GPHN: variants seen among roughly 807,000 people sequenced by gnomAD.
GPHN encodes the protein gephyrin.
GPHN carries 17 observed loss-of-function variants against 95.5 expected under a neutral mutation model. That is an observed-to-expected ratio of 0.18 (90% CI 0.12 to 0.27). The LOEUF (loss-of-function observed/expected upper bound fraction) is 0.27. Among genes scored for constraint, GPHN ranks in the 10% least tolerant of loss-of-function variants. GPHN has a pLI of 1.00. For missense variants in GPHN, 660 were observed against 978.1 expected (o/e 0.67, Z 4.34); for synonymous variants, 320 against 322.5 (o/e 0.99, Z 0.08).
At chr14:66,825,356 T>A (rs2061351460) in intron 4 of GPHN, among the ~76,000 whole-genome samples, 1 of 152,180 alleles carries the variant, frequency 6.6e-6, no homozygotes, top group African/African-American at 2.4e-5. Context: ...TTCAAATCAG[T>A]ACACTATTGT....
chr14:67,381,556 G>A, the GPHN span: 1 of 1,514,272 alleles, frequency 6.6e-7, no homozygotes, highest in East Asian at 2.3e-5. Context: ...AATATTTTTT[G>A]CATTTTTTAT....
the GPHN span, chr14:67,686,278 ATACT>A: frequency 9.2e-5 from 14 of 152,348 alleles, no homozygotes; most frequent in African/African-American, 3.1e-4. Context: ...AATAATCATA[ATACT>A]TACAACCTCA....
rs530214546 is a variant in GPHN at position 67,063,994 on chromosome 14, C to T, written c.1144+5208C>T. ...GTTGAATAGGAGTGGTGAGAGAAGA[C>T]ATCCTTGTGTTGTGCTGGTTTTCAA... On this transcript the variant is annotated intron_variant, in intron 11 of 22. Coordinates refer to ENST00000478722, the MANE Select transcript of GPHN (RefSeq NM_020806.5). Among the ~76,000 whole-genome samples, 458 of 152,282 alleles carry T rather than the reference C, an allele frequency of 3.0e-3. 1 individual carries two copies. The highest frequency in any genetic ancestry group is 3.2e-3 in the Non-Finnish European group (215 of 68,022).
chr14:66,823,147 G>GC (rs1165575949), intron 3 of GPHN: 2 of 152,128 alleles, frequency 1.3e-5, no homozygotes, highest in Non-Finnish European at 2.9e-5. Flanking sequence ...GACTACAAGC[G>GC]CGCTCCACCA....
chr14:67,304,524 C>T, the GPHN span, among the ~76,000 whole-genome samples: 3 of 151,952 alleles, frequency 2.0e-5, no homozygotes, highest in African/African-American at 7.3e-5. Flanking sequence ...TTATGCTGAG[C>T]GAAGGAAGCC....
the GPHN span, among the ~76,000 whole-genome samples, chr14:67,323,261 G>GTGTGTGTA: frequency 9.9e-4 from 123 of 124,186 alleles, no homozygotes; most frequent in Non-Finnish European, 1.1e-3. Context: ...GTGTGTGTGT[G>GTGTGTGTA]TATATATATA....
chr14:66,778,132 G>A (rs917528999), intron 3 of GPHN, among the ~76,000 whole-genome samples: 2 of 152,056 alleles, frequency 1.3e-5, no homozygotes, highest in Non-Finnish European at 2.9e-5. Flanking sequence ...AAAGTCTCAG[G>A]ATACAAAATC....
the GPHN span, among the ~76,000 whole-genome samples, chr14:67,206,974 C>T: frequency 6.6e-6 from 1 of 152,062 alleles, no homozygotes; most frequent in African/African-American, 2.4e-5. Flanking sequence ...AAGTGATCCA[C>T]CCACCTTGGC....
At chr14:67,329,377 G>A in the GPHN span, among the ~76,000 whole-genome samples, 1 of 152,174 alleles carries the variant, frequency 6.6e-6, no homozygotes, top group Non-Finnish European at 1.5e-5. Context: ...GAGATTTTGG[G>A]CTGAGACGAT....
At chr14:67,337,405 G>A in the GPHN span, 2,423 of 152,140 alleles carry the variant, frequency 0.016, 29 homozygotes, top group Middle Eastern at 0.088. Context: ...CCAGCTACTC[G>A]GGAGACTGAA....
At chr14:67,456,803 G>T in the GPHN span, among the ~76,000 whole-genome samples, 1 of 152,132 alleles carries the variant, frequency 6.6e-6, no homozygotes, top group Non-Finnish European at 1.5e-5. Context: ...CATATAAATT[G>T]TTCTACCCTA....
rs1434019314 is a variant in GPHN, at chr14:66,710,865, G to A, written c.143+29680G>A. Among the ~76,000 whole-genome samples, 4 of 152,236 alleles carry A rather than the reference G, an allele frequency of 2.6e-5. No individual in the cohort carries two copies. In the East Asian group the frequency reaches 5.8e-4, roughly 22 times the overall value. ...ATGAGGCTTAAATTAGGTAATACAT[G>A]TAAAAGCTCATAGAACATAGTCTGA... On this transcript the variant is annotated intron_variant, in intron 2 of 22. Transcript: ENST00000478722.
intron 5 of GPHN, among the ~76,000 whole-genome samples, chr14:66,906,280 C>T (rs1230315947): frequency 2.0e-5 from 3 of 152,104 alleles, no homozygotes; most frequent in Non-Finnish European, 4.4e-5. Flanking sequence ...ATAATCCCAC[C>T]TCCTCCCTTT....
the GPHN span, among the ~76,000 whole-genome samples, chr14:67,603,924 G>A: frequency 1.3e-5 from 2 of 152,150 alleles, no homozygotes; most frequent in East Asian, 3.9e-4. Flanking sequence ...CAGGTGATCT[G>A]CCCGCCTCAA....
intron 10 of GPHN, among the ~76,000 whole-genome samples, chr14:67,044,298 C>CT (rs2074874596): frequency 6.6e-6 from 1 of 152,062 alleles, no homozygotes; most frequent in African/African-American, 2.4e-5. Flanking sequence ...GATCGCACCA[C>CT]TGCACTCCAG....
At position 67,089,899 on chromosome 14, in the gene GPHN, A is replaced by G. The variant is rs544756204; in HGVS notation, c.1237+824A>G. Among the ~76,000 whole-genome samples the G allele has an allele frequency of 2.6e-5, 4 of 152,304 alleles. 1 individual carries two copies. The highest frequency in any genetic ancestry group is 9.6e-5 in the African/African-American group (4 of 41,586). On this transcript the variant is annotated intron_variant, in intron 12 of 22. Transcript: ENST00000478722. ...CAAATGTAAATTCTGAATTGCTTAG[A>G]AACTGTTGTTGATTTTTTTGGTTTT...
the GPHN span, among the ~76,000 whole-genome samples, chr14:67,212,592 A>T: frequency 2.5e-5 from 3 of 118,170 alleles, no homozygotes; most frequent in East Asian, 5.9e-4. Flanking sequence ...CCCTGTTGAA[A>T]AAAAAAATAT....
At chr14:66,550,857 T>G (rs1230010275) in intron 1 of GPHN, among the ~76,000 whole-genome samples, 2 of 150,690 alleles carry the variant, frequency 1.3e-5, no homozygotes, top group African/African-American at 4.9e-5. Flanking sequence ...TTTTTTTTTG[T>G]TGTTGTTGTT....
At chr14:66,593,250 A>G (rs7154493) in intron 1 of GPHN, among the ~76,000 whole-genome samples, 2 of 151,588 alleles carry the variant, frequency 1.3e-5, no homozygotes, top group Non-Finnish European at 2.9e-5. Context: ...ATGTATACCT[A>G]TGTAACAAAC....
Sources: allele counts gnomAD v4.1 joint callset (sites outside exome capture counted in the v4.1 genomes callset), GRCh38; gene constraint gnomAD v4.1.1; transcripts MANE v1.5; gene names NCBI Gene and HGNC (gene_info 2026-07-23, HGNC 2026-07-21).